The following XAF1 variants were observed in gnomAD, a reference collection of about 807,000 sequenced individuals.
XAF1 encodes XIAP-associated factor 1.
In XAF1, 32 loss-of-function variants were observed where a neutral mutation model predicts 32.3. The ratio of observed to expected loss-of-function variants is 0.99; its 90% CI spans 0.75 to 1.33. The LOEUF (loss-of-function observed/expected upper bound fraction) is 1.33. Ranked by LOEUF, XAF1 falls within the 40% of genes most tolerant of loss-of-function variation. The pLI is 0.00. For missense variants in XAF1, 379 were observed against 366.0 expected, an observed-to-expected ratio of 1.04 and a Z score of -0.29; for synonymous variants, 120 against 125.9, an observed-to-expected ratio of 0.95 and a Z score of 0.31.
At chr17:6,762,654 T>G (rs1364317145) in intron 5 of XAF1, among the ~76,000 whole-genome samples, 4 of 152,212 alleles carry the variant, frequency 2.6e-5, no homozygotes, top group Admixed American at 2.6e-4. Flanking sequence ...CAGAGCTTGG[T>G]GCAAAAAGAG....
chr17:6,759,606 G>T, intron 2 of XAF1, 56 bp from the exon 3 acceptor site: 1 of 1,606,358 alleles, frequency 6.2e-7, no homozygotes, highest in South Asian at 1.1e-5. Flanking sequence ...GGCAGGCCCT[G>T]GGTGCTGGGT....
At chr17:6,760,270 C>T in intron 3 of XAF1, 136 bp from the exon 4 acceptor site, 4 of 824,700 alleles carry the variant, frequency 4.9e-6, no homozygotes, top group Non-Finnish European at 7.4e-6. Flanking sequence ...ATTGCTTGAA[C>T]CCGGGAGGCG....
intron 5 of XAF1, among the ~76,000 whole-genome samples, chr17:6,770,129 C>A (rs890136654): frequency 2.6e-5 from 4 of 152,172 alleles, no homozygotes; most frequent in Non-Finnish European, 5.9e-5. Context: ...GCTGCTATAA[C>A]AGGATGCCAC....
chr17:6,761,989 GTTGCC>G, intron 4 of XAF1, 161 bp from the exon 5 acceptor site: 2 of 1,535,358 alleles, frequency 1.3e-6, no homozygotes, highest in Non-Finnish European at 1.7e-6. Flanking sequence ...TCGGCCAAGA[GTTGCC>G]TGTGTGGTCA....
chr17:6,772,871 T>C (rs976282099), intron 6 of XAF1: 4 of 410,386 alleles, frequency 9.7e-6, no homozygotes, highest in African/African-American at 4.2e-5. Context: ...TAAGATTCCA[T>C]GGTGTGAGTG....
At chr17:6,765,815 C>T (rs748209059) in intron 5 of XAF1, among the ~76,000 whole-genome samples, 1 of 152,206 alleles carries the variant, frequency 6.6e-6, no homozygotes, top group Non-Finnish European at 1.5e-5. Flanking sequence ...TCACAGAGGT[C>T]AACGTGATCC....
intron 6 of XAF1, 82 bp from the exon 7 acceptor site, chr17:6,773,031 G>A: frequency 8.0e-7 from 1 of 1,247,200 alleles, no homozygotes; most frequent in Non-Finnish European, 1.1e-6. Flanking sequence ...CTGTAACAAG[G>A]GACAGCAATA....
At chr17:6,771,839 C>T (rs1976057175) in intron 6 of XAF1, 1 of 152,108 alleles carries the variant, frequency 6.6e-6, no homozygotes, top group African/African-American at 2.4e-5. Flanking sequence ...CCCTAATTCC[C>T]CAACCCCATA....
At position 6,773,172 on chromosome 17, in the gene XAF1, T is replaced by A; in HGVS notation, c.*3T>A. On this transcript the variant is annotated 3_prime_UTR_variant, in exon 7 of 7. Coordinates refer to ENST00000361842, the MANE Select transcript of XAF1 (RefSeq NM_017523.5). ...AACAAGTGAGAAATTTCAGCTAGATTTGGAAAAGGAAAGGTACTACAAATT... is the reference window on the plus strand; with the variant it reads ...AACAAGTGAGAAATTTCAGCTAGATATGGAAAAGGAAAGGTACTACAAATT... The A allele has an allele frequency of 6.2e-7, 1 of 1,603,242 alleles. No individual in the cohort carries two copies. The highest frequency in any genetic ancestry group is 8.5e-7 in the Non-Finnish European group (1 of 1,176,444).
At chr17:6,771,174 G>A (rs554822155) in intron 6 of XAF1, 190 bp downstream of exon 6, 10 of 550,486 alleles carry the variant, frequency 1.8e-5, no homozygotes, top group East Asian at 3.0e-5. Flanking sequence ...CATCACCTCC[G>A]AGAGACTGAG....
intron 4 of XAF1, among the ~76,000 whole-genome samples, chr17:6,760,906 G>C (rs1261550661): frequency 6.6e-6 from 1 of 152,202 alleles, no homozygotes; most frequent in African/African-American, 2.4e-5. Flanking sequence ...TGTAATCCCA[G>C]CACTTTGGGA....
intron 4 of XAF1, among the ~76,000 whole-genome samples, chr17:6,760,970 C>T (rs1180916113): frequency 6.6e-6 from 1 of 152,166 alleles, no homozygotes; most frequent in African/African-American, 2.4e-5. Context: ...CCTTGACCAA[C>T]ATGGAGAAAC....
intron 2 of XAF1, chr17:6,759,449 G>T (rs1353200259): frequency 2.1e-6 from 3 of 1,420,280 alleles, no homozygotes; most frequent in Middle Eastern, 2.6e-4. Flanking sequence ...AGCTCAGGCA[G>T]CCGTTGCCAA....
intron 2 of XAF1, chr17:6,759,236 T>A: frequency 1.9e-6 from 2 of 1,080,226 alleles, no homozygotes; most frequent in Non-Finnish European, 2.2e-6. Flanking sequence ...GTTTTCCTAT[T>A]TCCAATCCTT....
chr17:6,774,179 T>C lies in XAF1; in HGVS notation c.*1010T>C, dbSNP rs1253096317. 1 of 152,208 alleles carries C rather than the reference T, an allele frequency of 6.6e-6. No homozygotes were observed. The highest frequency in any genetic ancestry group is 1.5e-5 in the Non-Finnish European group (1 of 68,038). The allele number at this position is 152,208 out of a possible 1,614,324, so 9.4% of individuals were successfully genotyped here. On this transcript the variant is annotated 3_prime_UTR_variant, in exon 7 of 7. Coordinates refer to ENST00000361842, the MANE Select transcript of XAF1 (RefSeq NM_017523.5). ...CAGGGCTACAGTAACCAAAACTGCATGATACTGGTACAAAAGCATGGTGCT... is the reference window on the plus strand; with the variant it reads ...CAGGGCTACAGTAACCAAAACTGCACGATACTGGTACAAAAGCATGGTGCT...
chr17:6,756,597 C>G (rs1974690907), intron 1 of XAF1, among the ~76,000 whole-genome samples: 1 of 152,162 alleles, frequency 6.6e-6, no homozygotes, highest in African/African-American at 2.4e-5. Context: ...GGCGCGGAAT[C>G]TGACCGATCA....
At position 6,760,400 on chromosome 17, in the gene XAF1, C is replaced by A; in HGVS notation, c.226-6C>A. 1 of 1,608,878 alleles carries A rather than the reference C, an allele frequency of 6.2e-7. No homozygotes were observed. Among genetic ancestry groups the A allele is most frequent in the South Asian group, 1.1e-5 (1 of 90,062 alleles). ...GTGATCATGCCCTTCCTGCTGCCTC[C>A]CACAGGCCAATGAGTGCCAGGAGCG... is the stretch of plus-strand genomic sequence containing the variant. On this transcript the variant is annotated splice_region_variant and splice_polypyrimidine_tract_variant and intron_variant, in intron 3 of 6. Coordinates refer to ENST00000361842, the MANE Select transcript of XAF1 (RefSeq NM_017523.5).
At chr17:6,755,776 G>A (rs1461522245), upstream of XAF1, 3 of 1,191,010 alleles carry the variant, frequency 2.5e-6, no homozygotes, top group East Asian at 1.2e-4. Context: ...CAGCCAGGGT[G>A]AGGGAACAAG....
rs138497718 is a variant in XAF1 at position 6,756,112 on chromosome 17, T to C, written c.32+2T>C. ...AGACTTCTCGGTGTGCAGGAACTGGTAAGAAAGTGCTTTCTCCAGCGGCAG... is the reference window on the plus strand; with the variant it reads ...AGACTTCTCGGTGTGCAGGAACTGGCAAGAAAGTGCTTTCTCCAGCGGCAG... On this transcript the variant is annotated splice_donor_variant, in intron 1 of 6. Coordinates refer to ENST00000361842, the MANE Select transcript of XAF1 (RefSeq NM_017523.5). LOFTEE classifies it high-confidence loss of function. 8.1e-6 allele frequency: 13 copies of C among 1,613,900 alleles called. No individual in the cohort carries two copies. The highest frequency in any genetic ancestry group is 1.1e-5 in the Non-Finnish European group (13 of 1,179,966).
Sources: gnomAD v4.1 joint callset for allele counts (sites outside exome capture counted in the v4.1 genomes callset) on GRCh38, gnomAD v4.1.1 for gene constraint, MANE v1.5 for transcripts, NCBI Gene and HGNC (gene_info 2026-07-23, HGNC 2026-07-21) for gene names.